Variants in CCDC66 observed in about 807,000 individuals in gnomAD.
CCDC66 encodes coiled-coil domain-containing protein 66.
In CCDC66, 133 loss-of-function variants were observed where a neutral mutation model predicts 128.3. The ratio of observed to expected loss-of-function variants is 1.04; its 90% CI spans 0.90 to 1.20. The LOEUF is 1.20. Ranked by LOEUF, CCDC66 falls within the 50% of genes most tolerant of loss-of-function variation. CCDC66 has a pLI of 0.00. For synonymous variants in CCDC66, 387 were observed against 357.0 expected, an observed-to-expected ratio of 1.08 and a Z score of -0.95; for missense variants, 1,126 against 1,075.5, an observed-to-expected ratio of 1.05 and a Z score of -0.66.
chr3:56,619,400 A>G lies in CCDC66; in HGVS notation c.2508A>G (p.Leu836=). Residue 836 remains leucine (L), a synonymous_variant, in exon 16 of 18, where the codon TTA becomes TTG. Coordinates refer to ENST00000394672, the MANE Select transcript of CCDC66 (RefSeq NM_001141947.3). ...TCTCAGGAAGTAATCAAACAGAATT[A>G]TCATCTGGGATTTCTGAATCATCCC... The part of the protein sequence containing the change: ...NLISGSNQTE[L]SSGISESSHF... 1.2e-6 allele frequency: 2 copies of G among 1,613,992 alleles called. No homozygotes were observed. The highest frequency in any genetic ancestry group is 2.2e-5 in the East Asian group (1 of 44,880).
chr3:56,581,399 C>T (rs1559657454), intron 7 of CCDC66, among the ~76,000 whole-genome samples: 2 of 151,820 alleles, frequency 1.3e-5, no homozygotes, highest in Non-Finnish European at 2.9e-5. Context: ...TCGTCTGAAG[C>T]CTTCTTCTCT....
At chr3:56,569,305 G>A (rs1388228971) in intron 6 of CCDC66, 1 of 321,826 alleles carries the variant, frequency 3.1e-6, no homozygotes, top group Non-Finnish European at 6.7e-6. Context: ...GGTTTATTTG[G>A]CCCACAGTTT....
At chr3:56,567,344 C>T (rs562049425) in intron 6 of CCDC66, among the ~76,000 whole-genome samples, 8 of 152,238 alleles carry the variant, frequency 5.3e-5, no homozygotes, top group Admixed American at 3.3e-4. Context: ...GAGCCAAGAT[C>T]GTGCCACTGC....
intron 7 of CCDC66, among the ~76,000 whole-genome samples, chr3:56,575,786 T>C (rs2067277423): frequency 6.6e-6 from 1 of 151,880 alleles, no homozygotes; most frequent in Admixed American, 6.6e-5. Flanking sequence ...TACTTTATTC[T>C]TTTGCATGTG....
chr3:56,615,168 T>C lies in CCDC66; in HGVS notation c.1607T>C (p.Met536Thr). The change falls in exon 12 of 18, where the codon ATG (methionine) becomes ACG (threonine). Residue 536 changes from methionine (M) to threonine (T), a missense_variant. Physicochemically the swap from Met to Thr is moderately conservative, Grantham distance 81 (BLOSUM62 -1). Coordinates refer to ENST00000394672, the MANE Select transcript of CCDC66 (RefSeq NM_001141947.3). ...TLKTNELFQT[M>T]QRAQELAQRL... The stretch of plus-strand genomic sequence containing the variant: ...AAGACAAATGAGCTATTCCAGACAA[T>C]GCAGCGAGCACAGGAACTGGCACAG... 6.2e-7 allele frequency: 1 copy of C among 1,613,968 alleles called. No individual in the cohort carries two copies. Among genetic ancestry groups the C allele is most frequent in the Non-Finnish European group, 8.5e-7 (1 of 1,179,960 alleles).
chr3:56,586,566 C>G (rs920509427), intron 7 of CCDC66, among the ~76,000 whole-genome samples: 1 of 150,580 alleles, frequency 6.6e-6, no homozygotes, highest in Non-Finnish European at 1.5e-5. Flanking sequence ...CTAAAGTAAT[C>G]ATTAGTATAA....
intron 4 of CCDC66, among the ~76,000 whole-genome samples, 160 bp from the exon 5 acceptor site, chr3:56,566,434 T>C (rs1408415119): frequency 6.6e-6 from 1 of 152,218 alleles, no homozygotes; most frequent in African/African-American, 2.4e-5. Flanking sequence ...TTCCTTTTTT[T>C]CTTTTTGACA....
chr3:56,621,121 T>C (rs1335025935), intron 17 of CCDC66: 1 of 152,152 alleles, frequency 6.6e-6, no homozygotes, highest in Non-Finnish European at 1.5e-5. Context: ...ATTGCACCAC[T>C]GTACTCCAGC....
At chr3:56,558,308 C>G (rs1044125045) in intron 1 of CCDC66, among the ~76,000 whole-genome samples, 1 of 152,122 alleles carries the variant, frequency 6.6e-6, no homozygotes, top group Non-Finnish European at 1.5e-5. Flanking sequence ...TTACTTTATG[C>G]CTTTGCTTCT....
In CCDC66 at chr3:56,593,068, A is replaced by G; in HGVS notation, c.1035A>G (p.Gln345=). The change falls in exon 8 of 18, where the codon CAA becomes CAG. Residue 345 remains glutamine (Q), a synonymous_variant. Transcript: ENST00000394672. The part of the protein sequence containing the change: ...ELNKQIEDDR[Q]RKIEEKIIYS... ...ATAAGCAAATAGAAGATGACCGTCA[A>G]AGAAAAATAGAGGAAAAAATTATAT... 2 of 1,605,688 alleles carry G rather than the reference A, an allele frequency of 1.2e-6. No individual in the cohort carries two copies. Among genetic ancestry groups the G allele is most frequent in the Non-Finnish European group, 8.5e-7 (1 of 1,175,582 alleles).
At position 56,557,225 on chromosome 3, in the gene CCDC66, A is replaced by C; in HGVS notation, c.-18A>C. The C allele has an allele frequency of 6.5e-7, 1 of 1,549,720 alleles. No homozygotes were observed. The highest frequency in any genetic ancestry group is 8.7e-7 in the Non-Finnish European group (1 of 1,146,698). ...CAAGGGGCTTGAGCGTTCTGTGGAGAGAGTGCGAGGTCAGGCCATGAACTT... is the reference window on the plus strand; with the variant it reads ...CAAGGGGCTTGAGCGTTCTGTGGAGCGAGTGCGAGGTCAGGCCATGAACTT... On this transcript the variant is annotated 5_prime_UTR_variant, in exon 1 of 18. Transcript: ENST00000394672.
intron 7 of CCDC66, among the ~76,000 whole-genome samples, chr3:56,583,180 T>G (rs1002896667): frequency 6.6e-6 from 1 of 151,788 alleles, no homozygotes; most frequent in Non-Finnish European, 1.5e-5. Flanking sequence ...TTTCTGACTT[T>G]TAAAAATATT....
intron 4 of CCDC66, among the ~76,000 whole-genome samples, chr3:56,564,899 C>T (rs911858671): frequency 6.6e-6 from 1 of 152,106 alleles, no homozygotes; most frequent in Admixed American, 6.5e-5. Context: ...ATAGATTATT[C>T]TTGGTAAAAT....
chr3:56,612,688 G>A (rs2107323255), intron 10 of CCDC66, among the ~76,000 whole-genome samples: 1 of 152,280 alleles, frequency 6.6e-6, no homozygotes, highest in Admixed American at 6.5e-5. Flanking sequence ...CCCCAGACTT[G>A]CAGGTGGCAT....
Position 56,617,032 on chromosome 3 carries a change from G to A in CCDC66, c.1844-80G>A, listed in dbSNP as rs548735718. On this transcript the variant is annotated intron_variant, in intron 13 of 17. Coordinates refer to ENST00000394672, the MANE Select transcript of CCDC66 (RefSeq NM_001141947.3). ...AAAAAAGTCTTAGAGGGCAATAATT[G>A]TTTAATGTTTTGGGGAAAATTATTT... 1.2e-4 allele frequency: 135 copies of A among 1,159,310 alleles called. 2 individuals carry two copies. The South Asian group carries it at 2.1e-3, about 18-fold the overall frequency. The allele number at this position is 1,159,310 out of a possible 1,614,324, so 71.8% of individuals were successfully genotyped here.
intron 10 of CCDC66, 42 bp from the exon 11 acceptor site, chr3:56,613,546 AT>A: frequency 6.3e-7 from 1 of 1,593,088 alleles, no homozygotes; most frequent in South Asian, 1.1e-5. Flanking sequence ...TCCTGCTTAG[AT>A]TTTTATTTTT....
In CCDC66 at chr3:56,571,291, G is replaced by A. The variant is rs1331476865; in HGVS notation, c.925G>A (p.Asp309Asn). ...AATATGGGAAAAACATCAAATTCTTGACCAATCTAGGGTAAGACATCTTAA... is the reference window on the plus strand; with the variant it reads ...AATATGGGAAAAACATCAAATTCTTAACCAATCTAGGGTAAGACATCTTAA... ...KIIWEKHQILDQSRETVLLEH... is the reference protein window; with the variant it reads ...KIIWEKHQILNQSRETVLLEH... The change falls in exon 7 of 18, where the codon GAC becomes AAC. Residue 309 changes from aspartate (D) to asparagine (N), a missense_variant. Transcript: ENST00000394672. 6.6e-7 allele frequency: 1 copy of A among 1,521,768 alleles called. No individual in the cohort carries two copies. The highest frequency in any genetic ancestry group is 1.4e-5 in the African/African-American group (1 of 71,222). The allele number at this position is 1,521,768 out of a possible 1,614,324, so 94.3% of individuals were successfully genotyped here. A position where few individuals can be genotyped will look rare whatever the true frequency, so the allele number is the denominator to read the frequency against.
chr3:56,603,744 C>T (rs12489795), intron 10 of CCDC66, among the ~76,000 whole-genome samples: 48,619 of 151,774 alleles, frequency 0.32, 8,344 homozygotes, highest in East Asian at 0.49. Flanking sequence ...ATTAAGTCCT[C>T]AGAAGAATGT....
At chr3:56,561,455 A>G in intron 3 of CCDC66, 2 of 332,958 alleles carry the variant, frequency 6.0e-6, no homozygotes, top group South Asian at 2.6e-5. Context: ...TCAGCTATCT[A>G]AAGGTGTTTT....
Sources: allele counts gnomAD v4.1 joint callset (sites outside exome capture counted in the v4.1 genomes callset), GRCh38; gene constraint gnomAD v4.1.1; transcripts MANE v1.5; gene names NCBI Gene and HGNC (gene_info 2026-07-23, HGNC 2026-07-21).